Variants in CDH5 observed in about 807,000 individuals in gnomAD.
CDH5 encodes the protein cadherin-5.
Under a neutral mutation model 62.0 loss-of-function variants are expected in CDH5, and 28 were observed. The observed-to-expected ratio is 0.45, with a 90% confidence interval of 0.33 to 0.62. CDH5 has a LOEUF of 0.62. Ranked by LOEUF, CDH5 falls within the 20% of genes least tolerant of loss-of-function variation. The pLI is 0.02. For synonymous variants in CDH5, 464 were observed against 445.8 expected, an observed-to-expected ratio of 1.04 and a Z score of -0.52; for missense variants, 940 against 1,065.1, an observed-to-expected ratio of 0.88 and a Z score of 1.63.
chr16:66,389,134 T>C (rs1327294435), intron 4 of CDH5, among the ~76,000 whole-genome samples: 1 of 152,150 alleles, frequency 6.6e-6, no homozygotes, highest in African/African-American at 2.4e-5. Context: ...GTCAACACAA[T>C]ATTTCAGGTG....
At position 66,403,097 on chromosome 16, in the gene CDH5, C is replaced by T. The variant is rs1961326034; in HGVS notation, c.2283C>T (p.Asn761=). 4 of 1,613,788 alleles carry T rather than the reference C, an allele frequency of 2.5e-6. No individual in the cohort carries two copies. The highest frequency in any genetic ancestry group is 3.4e-6 in the Non-Finnish European group (4 of 1,179,936). Reference sequence around the variant, plus strand: ...CTGACGTGGATTACGACTTCCTTAACGACTGGGGACCCAGGTTTAAGATGC... The same window carrying T: ...CTGACGTGGATTACGACTTCCTTAATGACTGGGGACCCAGGTTTAAGATGC... ...SDSDVDYDFL[N]DWGPRFKMLA... The change falls in exon 12 of 12, where the codon AAC becomes AAT. Residue 761 remains asparagine (N), a synonymous_variant. Coordinates refer to ENST00000341529, the MANE Select transcript of CDH5 (RefSeq NM_001795.5). This position sits in a 1 kb window ranked among gnomAD's most constrained non-coding sequence, Gnocchi z 4.3.
At position 66,389,584 on chromosome 16, in the gene CDH5, G is replaced by A. The variant is rs1475595497; in HGVS notation, c.781+62G>A. 6 of 1,374,016 alleles carry A rather than the reference G, an allele frequency of 4.4e-6. No individual in the cohort carries two copies. In the South Asian group the frequency reaches 9.3e-5, roughly 21 times the overall value. 85.1% of individuals were successfully genotyped at this position (1,374,016 alleles called of 1,614,324 possible). A position where few individuals can be genotyped will look rare whatever the true frequency, so the allele number is the denominator to read the frequency against. On this transcript the variant is annotated intron_variant, in intron 5 of 11. Coordinates refer to ENST00000341529, the MANE Select transcript of CDH5 (RefSeq NM_001795.5). ...GGGATACCCCAGACTCAGTGACTTG[G>A]GGCTCTGGGAAAAGAGTTACAAATC...
At chr16:66,373,254 T>TAAA (rs1960724655) in intron 1 of CDH5, among the ~76,000 whole-genome samples, 1 of 152,174 alleles carries the variant, frequency 6.6e-6, no homozygotes, top group Non-Finnish European at 1.5e-5. Flanking sequence ...AAAAAAGGGC[T>TAAA]ATGACCACAT....
In CDH5 at chr16:66,379,648, T is replaced by A. The variant is rs187639316; in HGVS notation, c.210+101T>A. 1.2e-5 allele frequency: 12 copies of A among 1,003,820 alleles called. No individual in the cohort carries two copies. In the African/African-American group the frequency reaches 1.6e-4, roughly 13 times the overall value. The allele number at this position is 1,003,820 out of a possible 1,614,324, so 62.2% of individuals were successfully genotyped here. On this transcript the variant is annotated intron_variant, in intron 2 of 11. Coordinates refer to ENST00000341529, the MANE Select transcript of CDH5 (RefSeq NM_001795.5). ...TGGTGGCAAAGGTGGTAATAGATATTGTGGTGGTTGTAGGAGTGGAGATGA... is the reference window on the plus strand; with the variant it reads ...TGGTGGCAAAGGTGGTAATAGATATAGTGGTGGTTGTAGGAGTGGAGATGA...
intron 11 of CDH5, 110 bp from the exon 12 acceptor site, chr16:66,402,542 G>A (rs1961303653): frequency 3.1e-6 from 3 of 956,220 alleles, no homozygotes; most frequent in Non-Finnish European, 3.0e-6. Flanking sequence ...GGATGGGCAT[G>A]CTGGGAGGGC....
chr16:66,394,864 T>C, intron 7 of CDH5, among the ~76,000 whole-genome samples: 1 of 53,174 alleles, frequency 1.9e-5, no homozygotes, highest in South Asian at 7.6e-4. Flanking sequence ...TTTTGGGGGG[T>C]GGGGGGGACA....
At chr16:66,392,017 C>G in intron 6 of CDH5, 119 bp from the exon 7 acceptor site, 3 of 1,225,412 alleles carry the variant, frequency 2.4e-6, no homozygotes, top group Non-Finnish European at 3.5e-6. Context: ...AGGCCATGGG[C>G]CCCTCATCTA....
intron 8 of CDH5, among the ~76,000 whole-genome samples, chr16:66,396,651 C>T (rs983354854): frequency 2.6e-5 from 4 of 152,162 alleles, no homozygotes; most frequent in African/African-American, 9.7e-5. Flanking sequence ...GGTGTTTATG[C>T]ACCAGTTAAT....
In CDH5 at chr16:66,387,013, A is replaced by C; in HGVS notation, c.415A>C (p.Ile139Leu). The part of the protein sequence containing the change: ...ENLETPSSFT[I>L]KVHDVNDNWP... ...CCTGGAGACTCCTTCCAGCTTCACC[A>C]TCAAAGTTCATGACGTGAACGACAA... Residue 139 changes from isoleucine to leucine, a missense_variant, in exon 3 of 12, where the codon ATC becomes CTC. Ile to Leu is a conservative substitution (Grantham distance 5). Transcript: ENST00000341529. The C allele has an allele frequency of 6.2e-7, 1 of 1,614,182 alleles. No individual in the cohort carries two copies. The highest frequency in any genetic ancestry group is 8.5e-7 in the Non-Finnish European group (1 of 1,180,046).
intron 9 of CDH5, 126 bp downstream of exon 9, chr16:66,398,232 C>T (rs1386839549): frequency 5.2e-6 from 6 of 1,151,900 alleles, no homozygotes; most frequent in Non-Finnish European, 7.7e-6. Flanking sequence ...ACATTATGCC[C>T]ATTTTACAGA....
At chr16:66,393,582 G>T (rs1475354009) in intron 7 of CDH5, among the ~76,000 whole-genome samples, 1 of 152,094 alleles carries the variant, frequency 6.6e-6, no homozygotes, top group African/African-American at 2.4e-5. Flanking sequence ...CTGTCCCATG[G>T]TCTATCCACC....
rs374527322 is a variant in CDH5 at position 66,370,987 on chromosome 16, T to C, written c.-20+4229T>C. ...CCTCCAGCAGGGAGTGGGGAGGCTG[T>C]TGGCAGAACCTGCAGGGAGAGGAAC... On this transcript the variant is annotated intron_variant, in intron 1 of 11. Transcript: ENST00000341529. Among the ~76,000 whole-genome samples, 120 of 152,010 alleles carry C rather than the reference T, an allele frequency of 7.9e-4. 2 individuals carry two copies. In the South Asian group the frequency reaches 0.024, roughly 30 times the overall value.
chr16:66,371,875 G>A (rs1960698861), intron 1 of CDH5, among the ~76,000 whole-genome samples: 1 of 152,196 alleles, frequency 6.6e-6, no homozygotes, highest in Admixed American at 6.5e-5. Flanking sequence ...ACAAAGCCAG[G>A]GGTCCCAGGC....
chr16:66,388,369 C>T lies in CDH5; in HGVS notation c.545C>T (p.Thr182Ile). Reference sequence around the variant, plus strand: ...ACAGCAGTGGATGCAGACGACCCCACTGTGGGAGACCACGCCTCTGTCATG... The same window carrying T: ...ACAGCAGTGGATGCAGACGACCCCATTGTGGGAGACCACGCCTCTGTCATG... ...SVTAVDADDP[T>I]VGDHASVMYQ... is the part of the protein sequence containing the mutation. The change falls in exon 4 of 12, where the codon ACT becomes ATT. Residue 182 changes from threonine (T) to isoleucine (I), a missense_variant. Coordinates refer to ENST00000341529, the MANE Select transcript of CDH5 (RefSeq NM_001795.5). 1 of 1,614,102 alleles carries T rather than the reference C, an allele frequency of 6.2e-7. No individual in the cohort carries two copies. The highest frequency in any genetic ancestry group is 1.1e-5 in the South Asian group (1 of 91,082).
At chr16:66,369,980 T>TTTTGTTTGTTTGTTTG (rs58584593) in intron 1 of CDH5, among the ~76,000 whole-genome samples, 1 of 150,280 alleles carries the variant, frequency 6.7e-6, no homozygotes, top group African/African-American at 2.5e-5. Context: ...CTGGAGACTT[T>TTTTGTTTGTTTGTTTG]TTTGTTTGTT....
chr16:66,396,333 T>A, intron 8 of CDH5, 132 bp downstream of exon 8: 1 of 1,053,540 alleles, frequency 9.5e-7, no homozygotes, highest in Non-Finnish European at 1.4e-6. Context: ...CTGGTTGGGA[T>A]GCTATAGAGC....
intron 4 of CDH5, among the ~76,000 whole-genome samples, 199 bp from the exon 5 acceptor site, chr16:66,389,159 C>G (rs565545108): frequency 6.6e-6 from 1 of 152,164 alleles, no homozygotes; most frequent in Non-Finnish European, 1.5e-5. Context: ...GGACCAATAC[C>G]GAACCCAACT....
At chr16:66,386,261 A>T (rs912646322) in intron 2 of CDH5, among the ~76,000 whole-genome samples, 3 of 150,202 alleles carry the variant, frequency 2.0e-5, no homozygotes, top group Non-Finnish European at 4.4e-5. Flanking sequence ...GACTAGTCAG[A>T]GGTTCTTTTT....
At chr16:66,386,046 T>C (rs1960976754) in intron 2 of CDH5, among the ~76,000 whole-genome samples, 1 of 152,194 alleles carries the variant, frequency 6.6e-6, no homozygotes, top group Non-Finnish European at 1.5e-5. Context: ...TCAGAAGCAA[T>C]ATTTCCATTT....
Sources: allele counts gnomAD v4.1 joint callset (sites outside exome capture counted in the v4.1 genomes callset), GRCh38; gene constraint gnomAD v4.1.1; non-coding constraint Gnocchi (gnomAD v3.1); transcripts MANE v1.5; gene names NCBI Gene and HGNC (gene_info 2026-07-23, HGNC 2026-07-21).